ELMO1: variants seen among roughly 807,000 people sequenced by gnomAD.
The protein encoded by ELMO1 is engulfment and cell motility protein 1.
In ELMO1, 26 loss-of-function variants were observed where a neutral mutation model predicts 98.9. That is an observed-to-expected ratio of 0.26 (90% CI 0.19 to 0.36). The LOEUF (loss-of-function observed/expected upper bound fraction) is 0.36. ELMO1 is among the 10% of genes least tolerant of loss of function. ELMO1 has a pLI of 1.00. For synonymous variants in ELMO1, 346 were observed against 346.0 expected, an observed-to-expected ratio of 1.00 and a Z score of 0.00; for missense variants, 627 against 935.2, an observed-to-expected ratio of 0.67 and a Z score of 4.30.
At chr7:37,109,520 G>T (rs979341684) in intron 14 of ELMO1, among the ~76,000 whole-genome samples, 26 of 152,074 alleles carry the variant, frequency 1.7e-4, no homozygotes, top group African/African-American at 6.3e-4. Context: ...CTCCTCCGCC[G>T]CCCCCCTCCC....
chr7:37,293,557 A>C (rs1797865014), intron 4 of ELMO1, among the ~76,000 whole-genome samples: 1 of 112,698 alleles, frequency 8.9e-6, no homozygotes, highest in South Asian at 3.1e-4. Context: ...CCCTAATCTC[A>C]AGTACCCAGG....
At chr7:37,238,078 T>G (rs1266921929) in intron 7 of ELMO1, among the ~76,000 whole-genome samples, 8 of 152,176 alleles carry the variant, frequency 5.3e-5, no homozygotes, top group Non-Finnish European at 1.2e-4. Flanking sequence ...ATAACTGATA[T>G]TGCACTGAAC....
intron 15 of ELMO1, among the ~76,000 whole-genome samples, chr7:37,067,341 C>G (rs187718650): frequency 1.3e-3 from 196 of 152,318 alleles, no homozygotes; most frequent in Non-Finnish European, 2.0e-3. Flanking sequence ...TGCTGAGCAT[C>G]TCACTACTTT....
chr7:37,172,067 G>A (rs1275520686), intron 13 of ELMO1, among the ~76,000 whole-genome samples: 1 of 152,152 alleles, frequency 6.6e-6, no homozygotes, highest in Non-Finnish European at 1.5e-5. Flanking sequence ...GACAATAATA[G>A]AAGCTAGGAG....
At chr7:37,060,716 T>G (rs991561728) in intron 15 of ELMO1, among the ~76,000 whole-genome samples, 5 of 152,170 alleles carry the variant, frequency 3.3e-5, no homozygotes, top group Admixed American at 6.5e-5. Context: ...AGTCAATAAT[T>G]CCTTTGAGTT....
chr7:36,888,805 G>C (rs533633958), intron 17 of ELMO1, among the ~76,000 whole-genome samples: 32 of 152,192 alleles, frequency 2.1e-4, no homozygotes, highest in Non-Finnish European at 4.3e-4. Context: ...GACTTGCCTT[G>C]ACACTGAACT....
chr7:37,010,660 C>T (rs1359772676), intron 16 of ELMO1, among the ~76,000 whole-genome samples: 2 of 152,250 alleles, frequency 1.3e-5, no homozygotes, highest in African/African-American at 2.4e-5. Flanking sequence ...GAAAGAAACA[C>T]AGCTCTGCTG....
chr7:37,229,802 G>A (rs923823480), intron 8 of ELMO1, among the ~76,000 whole-genome samples: 1 of 152,172 alleles, frequency 6.6e-6, no homozygotes, highest in Non-Finnish European at 1.5e-5. Context: ...GACTGGGAAT[G>A]AGGACATGAA....
intron 11 of ELMO1, 132 bp from the exon 12 acceptor site, chr7:37,213,589 G>T: frequency 1.3e-6 from 1 of 768,810 alleles, no homozygotes; most frequent in Non-Finnish European, 2.0e-6. Flanking sequence ...TGAGGGCACA[G>T]GGAATTTCAG....
At chr7:37,006,402 T>C (rs1299592960) in intron 16 of ELMO1, among the ~76,000 whole-genome samples, 1 of 152,194 alleles carries the variant, frequency 6.6e-6, no homozygotes, top group Non-Finnish European at 1.5e-5. Context: ...TTATTACTAT[T>C]GCCACTACCG....
intron 13 of ELMO1, among the ~76,000 whole-genome samples, chr7:37,156,246 A>T (rs761332091): frequency 6.6e-6 from 1 of 152,228 alleles, no homozygotes; most frequent in Non-Finnish European, 1.5e-5. Flanking sequence ...TTGACACCGT[A>T]ACAACACAAT....
intron 16 of ELMO1, among the ~76,000 whole-genome samples, chr7:36,938,167 T>A (rs1391127921): frequency 1.3e-5 from 2 of 152,218 alleles, no homozygotes; most frequent in Non-Finnish European, 2.9e-5. Context: ...AGCTGAGATG[T>A]GAGATTTAGG....
chr7:37,155,051 A>C (rs887109460), intron 13 of ELMO1, among the ~76,000 whole-genome samples: 5 of 152,304 alleles, frequency 3.3e-5, no homozygotes, highest in South Asian at 2.1e-4. Flanking sequence ...TCATATCCAG[A>C]CAAACTAAGC....
At chr7:37,375,422 T>C in intron 1 of ELMO1, 6 of 616,752 alleles carry the variant, frequency 9.7e-6, no homozygotes, top group Non-Finnish European at 1.7e-5. Flanking sequence ...ATAGCCTTGT[T>C]TATGCCCAGG....
intron 16 of ELMO1, among the ~76,000 whole-genome samples, chr7:36,898,324 T>G (rs1030133068): frequency 1.3e-5 from 2 of 152,184 alleles, no homozygotes; most frequent in Non-Finnish European, 2.9e-5. Flanking sequence ...AGAAAATCAA[T>G]GGAATTAAAC....
chr7:36,993,708 A>G (rs1234864638), intron 16 of ELMO1, among the ~76,000 whole-genome samples: 1 of 152,244 alleles, frequency 6.6e-6, no homozygotes, highest in African/African-American at 2.4e-5. Context: ...ATTGCAGAAA[A>G]GAGTTAATTT....
chr7:37,396,085 A>G (rs1424330547), intron 1 of ELMO1, among the ~76,000 whole-genome samples: 1 of 151,922 alleles, frequency 6.6e-6, no homozygotes, highest in Non-Finnish European at 1.5e-5. Flanking sequence ...AACATCACAA[A>G]GTGTAATCAA....
chr7:37,230,783 TACTC>T (rs541345073), intron 8 of ELMO1, among the ~76,000 whole-genome samples: 88 of 152,350 alleles, frequency 5.8e-4, no homozygotes, highest in African/African-American at 2.0e-3. Flanking sequence ...AAATCAATGA[TACTC>T]ACTATCTTCA....
At chr7:37,099,286 T>C (rs571941171) in intron 14 of ELMO1, among the ~76,000 whole-genome samples, 14 of 152,356 alleles carry the variant, frequency 9.2e-5, no homozygotes, top group African/African-American at 3.4e-4. Context: ...CTTACAAAAA[T>C]ATTGTAGAAA....
Sources: gnomAD v4.1 joint callset for allele counts (sites outside exome capture counted in the v4.1 genomes callset) on GRCh38, gnomAD v4.1.1 for gene constraint, MANE v1.5 for transcripts, NCBI Gene and HGNC (gene_info 2026-07-23, HGNC 2026-07-21) for gene names.